Variants in SHTN1 observed in about 807,000 individuals in gnomAD.
SHTN1 encodes the protein shootin-1.
In SHTN1, 42 loss-of-function variants were observed where a neutral mutation model predicts 83.1. The observed-to-expected ratio is 0.51, with a 90% CI of 0.39 to 0.65. The LOEUF (loss-of-function observed/expected upper bound fraction) is 0.65, where lower values mean the gene tolerates loss of function less well. Ranked by LOEUF, SHTN1 falls within the 30% of genes least tolerant of loss-of-function variation. SHTN1 has a pLI of 0.00. For missense variants in SHTN1, 622 were observed against 737.8 expected, an observed-to-expected ratio of 0.84 and a Z score of 1.82; for synonymous variants, 224 against 247.7, an observed-to-expected ratio of 0.90 and a Z score of 0.90.
At chr10:116,985,881 T>G (rs903320798) in intron 1 of SHTN1, among the ~76,000 whole-genome samples, 1 of 152,146 alleles carries the variant, frequency 6.6e-6, no homozygotes, top group Non-Finnish European at 1.5e-5. Flanking sequence ...ATAGCCAGAG[T>G]AGAAAGAGAA....
At chr10:117,043,121 A>ATATT (rs71013634) in intron 2 of SHTN1, among the ~76,000 whole-genome samples, 89,863 of 147,818 alleles carry the variant, frequency 0.61, 29,946 homozygotes, top group Middle Eastern at 0.79. Context: ...GTGGATCTTT[A>ATATT]TATTTATTTA....
intron 8 of SHTN1, among the ~76,000 whole-genome samples, chr10:116,942,950 T>C (rs539070422): frequency 1.1e-4 from 17 of 152,352 alleles, no homozygotes; most frequent in African/African-American, 4.1e-4. Flanking sequence ...TACTTACCTG[T>C]TGAAAACCTG....
chr10:117,044,528 T>C (rs1049514068), intron 2 of SHTN1, among the ~76,000 whole-genome samples: 6 of 152,188 alleles, frequency 3.9e-5, no homozygotes, highest in African/African-American at 1.2e-4. Context: ...AAATACATAC[T>C]GTGAAACACC....
chr10:117,039,955 C>A (rs1203988367), intron 2 of SHTN1, among the ~76,000 whole-genome samples: 1 of 151,744 alleles, frequency 6.6e-6, no homozygotes, highest in Non-Finnish European at 1.5e-5. Context: ...TGCTGCAAAT[C>A]TAAAACTGCT....
chr10:117,095,961 T>C (rs942182175), intron 1 of SHTN1, among the ~76,000 whole-genome samples: 2 of 152,186 alleles, frequency 1.3e-5, no homozygotes, highest in African/African-American at 4.8e-5. Context: ...AGCTTTAAAA[T>C]GTATTTGAGA....
rs187870417 is a variant in SHTN1 at position 116,991,049 on chromosome 10, G to A, written c.59-11741C>T. ...AAAATACAAAAAATTAGCCAGGCGC[G>A]GTGGTGGGCGCCTGTAGTCCCAGCT... On this transcript the variant is annotated intron_variant, in intron 1 of 16. Transcript: ENST00000355371. Among the ~76,000 whole-genome samples the A allele has an allele frequency of 2.3e-3, 344 of 152,206 alleles. 1 individual carries two copies. The highest frequency in any genetic ancestry group is 4.1e-3 in the Non-Finnish European group (282 of 68,000).
chr10:117,013,170 G>T (rs945612608), intron 2 of SHTN1, among the ~76,000 whole-genome samples: 2 of 152,000 alleles, frequency 1.3e-5, no homozygotes, highest in Non-Finnish European at 2.9e-5. Flanking sequence ...ACCAAAAGAA[G>T]TTTATTTATT....
intron 1 of SHTN1, among the ~76,000 whole-genome samples, chr10:116,999,034 G>A (rs1851733688): frequency 6.6e-6 from 1 of 152,080 alleles, no homozygotes; most frequent in African/African-American, 2.4e-5. Flanking sequence ...TCACTACATT[G>A]CCCAGGCTGG....
chr10:117,000,669 G>A (rs1299635109), intron 1 of SHTN1, among the ~76,000 whole-genome samples: 2 of 152,150 alleles, frequency 1.3e-5, no homozygotes, highest in African/African-American at 4.8e-5. Context: ...TGTGTTGTCT[G>A]TGTCTGCCCG....
chr10:116,977,278 T>G (rs1287984444), intron 2 of SHTN1, among the ~76,000 whole-genome samples: 1 of 152,234 alleles, frequency 6.6e-6, no homozygotes, highest in African/African-American at 2.4e-5. Flanking sequence ...TCTTTCTCTA[T>G]TATATGAAGA....
At chr10:117,113,617 G>A (rs1853799548) in intron 1 of SHTN1, among the ~76,000 whole-genome samples, 2 of 152,164 alleles carry the variant, frequency 1.3e-5, no homozygotes, top group Admixed American at 6.5e-5. Flanking sequence ...TTACTCATTA[G>A]AATAACATCA....
chr10:116,987,945 G>A (rs771837226), intron 1 of SHTN1, among the ~76,000 whole-genome samples: 1 of 151,962 alleles, frequency 6.6e-6, no homozygotes, highest in Non-Finnish European at 1.5e-5. Context: ...AAAACCGTGG[G>A]TGCCAAGGAT....
intron 14 of SHTN1, chr10:116,911,371 A>G (rs1848184196): frequency 2.4e-6 from 3 of 1,247,654 alleles, no homozygotes; most frequent in Admixed American, 2.5e-5. Flanking sequence ...TGACCCTGAT[A>G]TGAAGCTATT....
At chr10:116,933,628 A>G (rs746344592) in intron 9 of SHTN1, among the ~76,000 whole-genome samples, 21 of 152,034 alleles carry the variant, frequency 1.4e-4, no homozygotes, top group South Asian at 1.0e-3. Context: ...CAATAAACAT[A>G]TGTGTGTGTG....
At chr10:116,910,835 T>C (rs958015107) in intron 14 of SHTN1, among the ~76,000 whole-genome samples, 1 of 152,250 alleles carries the variant, frequency 6.6e-6, no homozygotes, top group African/African-American at 2.4e-5. Context: ...AGGCCACCAC[T>C]GTTAGCCAGT....
At chr10:116,953,011 C>T (rs1400978333) in intron 5 of SHTN1, among the ~76,000 whole-genome samples, 1 of 152,144 alleles carries the variant, frequency 6.6e-6, no homozygotes, top group Non-Finnish European at 1.5e-5. Context: ...TCCCTCCCTA[C>T]CAACATGAAT....
chr10:116,942,715 T>G (rs1038279497), intron 8 of SHTN1, among the ~76,000 whole-genome samples: 4 of 152,206 alleles, frequency 2.6e-5, no homozygotes, highest in African/African-American at 9.6e-5. Context: ...ACATACTCCT[T>G]TTTAATTAAA....
chr10:116,906,788 T>TA (rs1405374422), intron 14 of SHTN1, 41 bp from the exon 15 acceptor site: 2 of 1,496,176 alleles, frequency 1.3e-6, no homozygotes, highest in Admixed American at 2.0e-5. Flanking sequence ...GTTAATGTCT[T>TA]AATACAATAT....
In SHTN1 at chr10:117,119,873, G is replaced by A. The variant is rs554207418; in HGVS notation, c.-189+6434C>T. On this transcript the variant is annotated intron_variant, in intron 1 of 17. Transcript: ENST00000392901. ...AAAAAAAAATAAGATCCTGTCATTT[G>A]CAACAACATGGATGGAACTGGAGGT... Among the ~76,000 whole-genome samples, 280 of 151,824 alleles carry A rather than the reference G, an allele frequency of 1.8e-3. 1 individual carries two copies. The highest frequency in any genetic ancestry group is 3.7e-3 in the Non-Finnish European group (254 of 67,958).
Sources: allele counts gnomAD v4.1 joint callset (sites outside exome capture counted in the v4.1 genomes callset), GRCh38; gene constraint gnomAD v4.1.1; transcripts MANE v1.5; gene names NCBI Gene and HGNC (gene_info 2026-07-23, HGNC 2026-07-21).